Variants in CSMD3 observed in about 807,000 individuals in gnomAD.
CSMD3 encodes CUB and Sushi multiple domains 3.
Under a neutral mutation model 435.2 loss-of-function variants are expected in CSMD3, and 177 were observed. The observed-to-expected ratio is 0.41, with a 90% CI of 0.36 to 0.46. CSMD3 has a LOEUF of 0.46. Among genes scored for constraint, CSMD3 ranks in the 20% least tolerant of loss-of-function variants. The pLI, the probability that CSMD3 is intolerant of heterozygous loss-of-function variation, is 0.34. For missense variants in CSMD3, 4,265 were observed against 4,504.6 expected (o/e 0.95, Z 1.52); for synonymous variants, 1,656 against 1,520.5 (o/e 1.09, Z -2.07).
At chr8:112,429,402 T>C (rs1813423369) in intron 32 of CSMD3, among the ~76,000 whole-genome samples, 1 of 152,052 alleles carries the variant, frequency 6.6e-6, no homozygotes, top group South Asian at 2.1e-4. Flanking sequence ...GTGCTTCATG[T>C]TGCATGTGGC....
At chr8:112,857,252 A>G (rs1021516345) in intron 11 of CSMD3, among the ~76,000 whole-genome samples, 1 of 151,834 alleles carries the variant, frequency 6.6e-6, no homozygotes, top group Non-Finnish European at 1.5e-5. Flanking sequence ...TTAATAAAAA[A>G]TAGCAAAGAA....
chr8:112,747,857 G>A (rs948949506), intron 13 of CSMD3, among the ~76,000 whole-genome samples: 1 of 151,804 alleles, frequency 6.6e-6, no homozygotes, highest in Admixed American at 6.6e-5. Context: ...CAGCTACTCG[G>A]GAGGCTGAGG....
intron 17 of CSMD3, among the ~76,000 whole-genome samples, chr8:112,664,225 T>A (rs1773291679): frequency 6.6e-6 from 1 of 152,132 alleles, no homozygotes; most frequent in South Asian, 2.1e-4. Flanking sequence ...AATATGCTTG[T>A]TTTTCAAATG....
At chr8:112,260,559 T>A (rs189934982) in intron 61 of CSMD3, among the ~76,000 whole-genome samples, 1 of 152,288 alleles carries the variant, frequency 6.6e-6, no homozygotes, top group Non-Finnish European at 1.5e-5. Context: ...CATATCAAGA[T>A]AACTTCTTGA....
intron 58 of CSMD3, among the ~76,000 whole-genome samples, chr8:112,282,164 G>T (rs1473049361): frequency 6.6e-6 from 1 of 151,926 alleles, no homozygotes; most frequent in Admixed American, 6.6e-5. Flanking sequence ...TATAATTTCA[G>T]AAAATACCAT....
chr8:112,539,630 C>T (rs1195659344), intron 27 of CSMD3, among the ~76,000 whole-genome samples: 1 of 151,888 alleles, frequency 6.6e-6, no homozygotes, highest in Non-Finnish European at 1.5e-5. Context: ...CATCTACAGC[C>T]AACTCATTTT....
rs1313731138 is a variant in CSMD3, at chr8:112,223,879, G to T, written c.*892C>A. ...TTGTAAAATAAAGGATGGTAAGTTT[G>T]GTGTCTCAGATAACTGCAAAATAAT... On this transcript the variant is annotated 3_prime_UTR_variant, in exon 71 of 71. Transcript: ENST00000297405. 6.6e-6 allele frequency: 1 copy of T among 152,028 alleles called. No homozygotes were observed. Among genetic ancestry groups the T allele is most frequent in the Non-Finnish European group, 1.5e-5 (1 of 67,988 alleles). 9.4% of individuals were successfully genotyped at this position (152,028 alleles called of 1,614,324 possible).
At position 112,287,075 on chromosome 8, in the gene CSMD3, G is replaced by C; in HGVS notation, c.9320C>G (p.Pro3107Arg). 1.2e-6 allele frequency: 2 copies of C among 1,613,278 alleles called. No individual in the cohort carries two copies. Among genetic ancestry groups the C allele is most frequent in the Non-Finnish European group, 1.7e-6 (2 of 1,179,434 alleles). The part of the protein sequence containing the change: ...LANGSWTGRQ[P>R]ECKAVQCGNP... ...CTGCTTGAGATTACCTTTGCACTCT[G>C]GCTGCCTTCCGGTCCAACTGCCATT... Residue 3107 changes from proline to arginine, a missense_variant, in exon 58 of 71, where the codon CCA becomes CGA. Transcript: ENST00000297405.
intron 13 of CSMD3, among the ~76,000 whole-genome samples, chr8:112,789,175 A>AAT (rs560330727): frequency 9.4e-4 from 143 of 152,256 alleles, no homozygotes; most frequent in Admixed American, 2.3e-3. Flanking sequence ...ATCATCAGAC[A>AAT]ATAAGGTATC....
chr8:112,781,287 G>T (rs1256332755), intron 13 of CSMD3, among the ~76,000 whole-genome samples: 1 of 152,010 alleles, frequency 6.6e-6, no homozygotes, highest in African/African-American at 2.4e-5. Context: ...TAGCCCGGCA[G>T]TACTTACCAT....
At chr8:113,256,378 C>A (rs1342109379) in intron 3 of CSMD3, among the ~76,000 whole-genome samples, 1 of 152,096 alleles carries the variant, frequency 6.6e-6, no homozygotes, top group African/African-American at 2.4e-5. Context: ...ATGCTCAGCA[C>A]CGACACCATT....
At chr8:112,901,602 C>T (rs1360284945) in intron 10 of CSMD3, among the ~76,000 whole-genome samples, 2 of 151,286 alleles carry the variant, frequency 1.3e-5, no homozygotes, top group East Asian at 3.9e-4. Flanking sequence ...AAACCATTCT[C>T]TCCTTCCATA....
intron 69 of CSMD3, among the ~76,000 whole-genome samples, chr8:112,229,129 G>A (rs1410580625): frequency 1.3e-5 from 2 of 152,128 alleles, no homozygotes; most frequent in Admixed American, 6.5e-5. Flanking sequence ...CCGAACTAAG[G>A]AGTTTATACA....
In CSMD3 at chr8:112,362,212, C is replaced by T. The variant is rs538252952; in HGVS notation, c.6137-9678G>A. On this transcript the variant is annotated intron_variant, in intron 38 of 70. Transcript: ENST00000297405. ...AGAATCAATTGATTAATCTACTAAACAAATATTTTGTCAAATACCTAATCA... is the reference window on the plus strand; with the variant it reads ...AGAATCAATTGATTAATCTACTAAATAAATATTTTGTCAAATACCTAATCA... Among the ~76,000 whole-genome samples, 12 of 151,996 alleles carry T rather than the reference C, an allele frequency of 7.9e-5. No individual in the cohort carries two copies. In the East Asian group the frequency reaches 2.3e-3, roughly 29 times the overall value.
intron 32 of CSMD3, 58 bp from the exon 33 acceptor site, chr8:112,409,090 A>G (rs1832108076): frequency 6.2e-7 from 1 of 1,610,806 alleles, no homozygotes; most frequent in South Asian, 1.1e-5. Flanking sequence ...AAACGAAAAC[A>G]AAAAACAAAA....
intron 1 of CSMD3, among the ~76,000 whole-genome samples, chr8:113,399,102 T>TATAC (rs1563782937): frequency 1.2e-5 from 1 of 82,196 alleles, no homozygotes; most frequent in African/African-American, 4.7e-5. Flanking sequence ...TATATATATA[T>TATAC]ATATACACAC....
At chr8:112,975,036 T>C (rs988642603) in intron 7 of CSMD3, among the ~76,000 whole-genome samples, 3 of 151,948 alleles carry the variant, frequency 2.0e-5, no homozygotes, top group Admixed American at 6.6e-5. Flanking sequence ...TATTATTTTA[T>C]ACTACATTGA....
At chr8:112,867,354 A>G (rs2129985923) in intron 10 of CSMD3, among the ~76,000 whole-genome samples, 1 of 152,278 alleles carries the variant, frequency 6.6e-6, no homozygotes, top group South Asian at 2.1e-4. Context: ...CAAATAGCCA[A>G]AACAATCTTG....
chr8:112,525,581 C>A (rs1273410304), intron 27 of CSMD3, among the ~76,000 whole-genome samples: 3 of 147,916 alleles, frequency 2.0e-5, no homozygotes, highest in Admixed American at 6.8e-5. Flanking sequence ...ATTAGCCAGG[C>A]GTGGTGGCGG....
Sources: allele counts gnomAD v4.1 joint callset (sites outside exome capture counted in the v4.1 genomes callset), GRCh38; gene constraint gnomAD v4.1.1; transcripts MANE v1.5; gene names NCBI Gene and HGNC (gene_info 2026-07-23, HGNC 2026-07-21).